The following MUC13 variants were observed in gnomAD, a reference collection of about 807,000 sequenced individuals.
MUC13 encodes the protein mucin-13.
In MUC13, 32 loss-of-function variants were observed where a neutral mutation model predicts 48.3. The ratio of observed to expected loss-of-function variants is 0.66; its 90% CI spans 0.50 to 0.89. The LOEUF (loss-of-function observed/expected upper bound fraction) is 0.89, where lower values mean the gene tolerates loss of function less well. Among genes scored for constraint, MUC13 ranks in the 40% least tolerant of loss-of-function variants. The probability of loss-of-function intolerance (pLI) is 0.00; values close to 1 mark genes in which losing one functional copy is unlikely to be tolerated. For missense variants in MUC13, 571 were observed against 622.8 expected, an observed-to-expected ratio of 0.92 and a Z score of 0.88; for synonymous variants, 199 against 224.9, an observed-to-expected ratio of 0.88 and a Z score of 1.03.
intron 5 of MUC13, among the ~76,000 whole-genome samples, chr3:124,917,655 C>A (rs921486530): frequency 6.7e-6 from 1 of 149,336 alleles, no homozygotes; most frequent in Non-Finnish European, 1.5e-5. Context: ...TAGGCACAAT[C>A]ATCTCAAAAG....
chr3:124,933,171 A>T (rs1195829825), intron 1 of MUC13, among the ~76,000 whole-genome samples: 2 of 151,504 alleles, frequency 1.3e-5, no homozygotes, highest in Non-Finnish European at 2.9e-5. Flanking sequence ...CTCTCAAAAA[A>T]CTCTAATCCT....
At chr3:124,928,078 C>T in intron 1 of MUC13, 85 bp from the exon 2 acceptor site, 3 of 772,908 alleles carry the variant, frequency 3.9e-6, no homozygotes, top group South Asian at 2.2e-5. Flanking sequence ...ATATCCAACT[C>T]ATTCTTTTTT....
rs1283084171 is a variant in MUC13, at chr3:124,927,874, C to T, written c.172G>A (p.Ala58Thr). The change falls in exon 2 of 12, where the codon GCA (alanine) becomes ACA (threonine). Residue 58 changes from alanine to threonine, a missense_variant. Ala to Thr is a moderately conservative substitution (Grantham distance 58, BLOSUM62 0). Coordinates refer to ENST00000616727, the MANE Select transcript of MUC13 (RefSeq NM_033049.4). ...TNFPETASTT[A>T]NTPSFPTATS... ...GCTGTTGGGAAAGAAGGTGTATTTG[C>T]TGTGGTGCTAGCAGTTTCAGGGAAA... 3.7e-6 allele frequency: 6 copies of T among 1,613,976 alleles called. No homozygotes were observed. In the South Asian group the frequency reaches 4.4e-5, roughly 12 times the overall value.
At chr3:124,911,014 C>T (rs766835998) in intron 9 of MUC13, among the ~76,000 whole-genome samples, 42 of 152,092 alleles carry the variant, frequency 2.8e-4, no homozygotes, top group Non-Finnish European at 3.5e-4. Flanking sequence ...CACTTGACTG[C>T]GGCTATGAGA....
intron 4 of MUC13, 30 bp from the exon 5 acceptor site, chr3:124,920,319 T>A: frequency 1.3e-6 from 2 of 1,553,862 alleles, no homozygotes; most frequent in Admixed American, 1.9e-5. Flanking sequence ...TAATAACAAG[T>A]AAAAAAAATT....
chr3:124,926,107 A>C (rs1438421935), intron 2 of MUC13, among the ~76,000 whole-genome samples: 2 of 152,236 alleles, frequency 1.3e-5, no homozygotes, highest in African/African-American at 4.8e-5. Context: ...ATCTTAAGGA[A>C]GAATGTGTCT....
At position 124,927,774 on chromosome 3, in the gene MUC13, C is replaced by T. The variant is rs543705316; in HGVS notation, c.272G>A (p.Ser91Asn). 7.3e-5 allele frequency: 118 copies of T among 1,606,422 alleles called. 2 individuals are homozygous for T. In the South Asian group the frequency reaches 1.2e-3, roughly 16 times the overall value. The change falls in exon 2 of 12, where the codon AGT (serine) becomes AAT (asparagine). Residue 91 changes from serine (S) to asparagine (N), a missense_variant. By Grantham distance (46) the Ser-to-Asn change is conservative. Transcript: ENST00000616727. ...TIPTPAPPII[S>N]THSSSTIPIP... ...AGGAATTGTGGAGGAACTATGTGTA[C>T]TAATTATGGGGGGAGCAGGTGTAGG...
At chr3:124,923,733 T>TC (rs890254011) in intron 2 of MUC13, 84 bp from the exon 3 acceptor site, 11 of 1,404,766 alleles carry the variant, frequency 7.8e-6, no homozygotes, top group Non-Finnish European at 8.8e-6. Context: ...TCTTCATGCC[T>TC]CCCCCCTGGG....
intron 6 of MUC13, 33 bp downstream of exon 6, chr3:124,916,284 G>A: frequency 6.4e-7 from 1 of 1,568,692 alleles, no homozygotes. Context: ...TAGGTCTTCA[G>A]GTGAACTTTG....
chr3:124,916,874 G>A (rs1307627520), intron 5 of MUC13, among the ~76,000 whole-genome samples: 2 of 152,224 alleles, frequency 1.3e-5, no homozygotes, highest in Admixed American at 1.3e-4. Context: ...TCTCAGTCTG[G>A]TTCTTTGGGA....
At chr3:124,931,234 C>T (rs1400034450) in intron 1 of MUC13, among the ~76,000 whole-genome samples, 2 of 150,526 alleles carry the variant, frequency 1.3e-5, no homozygotes, top group Non-Finnish European at 3.0e-5. Flanking sequence ...AGATTGTGAC[C>T]ATCCTGGCCA....
intron 4 of MUC13, 38 bp from the exon 5 acceptor site, chr3:124,920,327 A>AT (rs752773903): frequency 1.5e-4 from 231 of 1,512,270 alleles, no homozygotes; most frequent in East Asian, 4.3e-4. Context: ...AGTAAAAAAA[A>AT]TTTTTTTTTC....
chr3:124,908,264 G>A lies in MUC13; in HGVS notation c.1422C>T (p.Phe474=). The A allele has an allele frequency of 6.2e-7, 1 of 1,614,228 alleles. No homozygotes were observed. The change falls in exon 11 of 12, where the codon TTC becomes TTT. Residue 474 remains phenylalanine, a synonymous_variant. Transcript: ENST00000616727. The part of the protein sequence containing the change: ...FQNLKLRSTG[F]TNLGAEGSVF... ...CGCTCCCTTCTGCTCCAAGATTGGT[G>A]AAGCCTGTCGACCGCAGTTTTAGAT...
chr3:124,932,904 C>T (rs554126338), intron 1 of MUC13, among the ~76,000 whole-genome samples: 1 of 152,252 alleles, frequency 6.6e-6, no homozygotes, highest in South Asian at 2.1e-4. Flanking sequence ...TCCTGATTCC[C>T]TTAACTCTCT....
chr3:124,914,274 G>A (rs1935473488), intron 6 of MUC13, among the ~76,000 whole-genome samples: 1 of 152,130 alleles, frequency 6.6e-6, no homozygotes, highest in Admixed American at 6.5e-5. Flanking sequence ...GCTGGGTGTG[G>A]TGGCATGTGC....
rs1219635362 is a variant in MUC13 at position 124,913,169 on chromosome 3, C to T, written c.1156G>A (p.Ala386Thr). The change falls in exon 8 of 12, where the codon GCC becomes ACC. Residue 386 changes from alanine to threonine, a missense_variant. By Grantham distance (58) the Ala-to-Thr change is moderately conservative (BLOSUM62 0). Transcript: ENST00000616727. ...KQCLIKKSGG[A>T]PECACVPGYQ... ...CCGGGCACGCACGCACACTCAGGGG[C>T]CCCACCACTCTTCTTTATTAAGCAT... The T allele has an allele frequency of 6.2e-7, 1 of 1,614,092 alleles. No homozygotes were observed. The highest frequency in any genetic ancestry group is 1.3e-5 in the African/African-American group (1 of 75,016).
At chr3:124,913,292 C>A (rs747439979) in intron 7 of MUC13, 52 bp from the exon 8 acceptor site, 20 of 1,583,596 alleles carry the variant, frequency 1.3e-5, no homozygotes, top group Non-Finnish European at 1.7e-5. Context: ...CTCTTTAACC[C>A]CAAAGTCACA....
At chr3:124,918,982 C>A (rs1053342750) in intron 5 of MUC13, among the ~76,000 whole-genome samples, 3 of 152,034 alleles carry the variant, frequency 2.0e-5, no homozygotes, top group African/African-American at 7.3e-5. Context: ...TTTTAAAATA[C>A]CTCTCTGAAA....
At chr3:124,909,663 C>T (rs1022054929) in intron 10 of MUC13, among the ~76,000 whole-genome samples, 6 of 151,688 alleles carry the variant, frequency 4.0e-5, no homozygotes, top group Admixed American at 2.0e-4. Context: ...CCACCATGCC[C>T]GGCTAACGTG....
Sources: gnomAD v4.1 joint callset for allele counts (sites outside exome capture counted in the v4.1 genomes callset) on GRCh38, gnomAD v4.1.1 for gene constraint, MANE v1.5 for transcripts, NCBI Gene and HGNC (gene_info 2026-07-23, HGNC 2026-07-21) for gene names.